The following SYNJ2 variants were observed in gnomAD, a reference collection of about 807,000 sequenced individuals.
SYNJ2 encodes the protein synaptojanin 2.
In SYNJ2, 116 loss-of-function variants were observed where a neutral mutation model predicts 141.3. The ratio of observed to expected loss-of-function variants is 0.82; its 90% confidence interval spans 0.71 to 0.96. The LOEUF (loss-of-function observed/expected upper bound fraction) is 0.96. Ranked by LOEUF, SYNJ2 falls within the 40% of genes least tolerant of loss-of-function variation. The pLI is 0.00. For missense variants in SYNJ2, 1,873 were observed against 1,934.8 expected, an observed-to-expected ratio of 0.97 and a Z score of 0.60; for synonymous variants, 745 against 777.7, an observed-to-expected ratio of 0.96 and a Z score of 0.70.
In SYNJ2 at chr6:158,093,443, A is replaced by AAC. The variant is rs1213192009; in HGVS notation, c.3744+340_3744+341insCA. Among the ~76,000 whole-genome samples, 205 of 102,708 alleles carry AAC rather than the reference A, an allele frequency of 2.0e-3. 1 individual carries two copies. Among genetic ancestry groups the AAC allele is most frequent in the African/African-American group, 8.4e-3 (197 of 23,512 alleles). 67.4% of individuals were successfully genotyped at this position (102,708 alleles called of 152,430 possible). A position where few individuals can be genotyped will look rare whatever the true frequency, so the allele number is the denominator to read the frequency against. Reference sequence around the variant, plus strand: ...AGAGTGAGACTCCACCTCAAAAAAAAAAAAAACAAAAAAAAAAAAACAGAT... The same window carrying AAC: ...AGAGTGAGACTCCACCTCAAAAAAAAACAAAAAACAAAAAAAAAAAAACAGAT... On this transcript the variant is annotated intron_variant, in intron 26 of 26. Transcript: ENST00000355585.
At chr6:158,076,899 C>T in intron 17 of SYNJ2, 117 bp downstream of exon 17, 1 of 1,283,710 alleles carries the variant, frequency 7.8e-7, no homozygotes, top group Non-Finnish European at 1.0e-6. Context: ...CTTCATAACC[C>T]CAGATGACAC....
rs1323598218 is a variant in SYNJ2, at chr6:158,084,152, G to C, written c.3186G>C (p.Lys1062Asn). The part of the protein sequence containing the change: ...PPSKSPALTK[K>N]KQHPTYKDDA... ...GCAAGTCACCTGCTCTCACCAAAAA[G>C]AAGCAGCATCCAACGTACAAAGGTA... The change falls in exon 22 of 27, where the codon AAG becomes AAC. Residue 1062 changes from lysine (K) to asparagine (N), a missense_variant. Coordinates refer to ENST00000355585, the MANE Select transcript of SYNJ2 (RefSeq NM_003898.4). This position sits in a 1 kb window ranked among gnomAD's most constrained non-coding sequence, Gnocchi z 5.0. 1 of 1,614,082 alleles carries C rather than the reference G, an allele frequency of 6.2e-7. No individual in the cohort carries two copies.
chr6:158,011,679 G>T (rs764159596), intron 1 of SYNJ2, among the ~76,000 whole-genome samples: 19 of 152,090 alleles, frequency 1.2e-4, no homozygotes, highest in Non-Finnish European at 1.8e-4. Context: ...GGTTTTGTTT[G>T]CATAGCTTCT....
At chr6:158,086,071 A>G (rs765839515) in intron 22 of SYNJ2, among the ~76,000 whole-genome samples, 7 of 151,912 alleles carry the variant, frequency 4.6e-5, no homozygotes, top group Non-Finnish European at 8.8e-5. Flanking sequence ...GGGCATTGAG[A>G]GGGTCTTCCC....
At chr6:157,981,831 A>G (rs1777021724), upstream of SYNJ2, 1 of 823,844 alleles carries the variant, frequency 1.2e-6, no homozygotes, top group Non-Finnish European at 1.6e-6. The surrounding 1 kb of genome is among the most constrained non-coding windows in gnomAD (Gnocchi z 6.4). Context: ...GCCGGGGAGG[A>G]GCCTGGCGCG....
intron 1 of SYNJ2, among the ~76,000 whole-genome samples, chr6:157,999,447 G>T (rs146111442): frequency 1.3e-5 from 2 of 152,242 alleles, no homozygotes; most frequent in African/African-American, 4.8e-5. Flanking sequence ...GGTTGTCTCT[G>T]TACAGGCTCT....
At position 158,070,227 on chromosome 6, in the gene SYNJ2, G is replaced by T. The variant is rs902572061; in HGVS notation, c.1940+554G>T. On this transcript the variant is annotated intron_variant, in intron 14 of 26. Coordinates refer to ENST00000355585, the MANE Select transcript of SYNJ2 (RefSeq NM_003898.4). This position sits in a 1 kb window ranked among gnomAD's most constrained non-coding sequence, Gnocchi z 4.0. ...TCATCTTTTCCCCAGCTTGTGGTTG[G>T]CCTCATCTTACCACCTGGGCCTACC... The T allele has an allele frequency of 1.0e-6, 1 of 985,296 alleles. No individual in the cohort carries two copies. Among genetic ancestry groups the T allele is most frequent in the Non-Finnish European group, 1.2e-6 (1 of 830,006 alleles). 61.0% of individuals were successfully genotyped at this position (985,296 alleles called of 1,614,324 possible).
In SYNJ2 at chr6:158,026,051, G is replaced by A. The variant is rs1230140018; in HGVS notation, c.215-2705G>A. Among the ~76,000 whole-genome samples, 6 of 152,090 alleles carry A rather than the reference G, an allele frequency of 3.9e-5. No homozygotes were observed. The South Asian group carries it at 8.3e-4, about 21-fold the overall frequency. ...CAAACTAATCCGATTGGAAACTGCC[G>A]GACTTTGGGGCTAGATGGAGCATGG... is the stretch of plus-strand genomic sequence containing the variant. On this transcript the variant is annotated intron_variant, in intron 2 of 26. Transcript: ENST00000355585.
At chr6:158,021,327 A>G (rs756836778) in intron 2 of SYNJ2, among the ~76,000 whole-genome samples, 7 of 152,172 alleles carry the variant, frequency 4.6e-5, no homozygotes, top group Non-Finnish European at 1.0e-4. Context: ...TAATCTCTGT[A>G]GGACTGTTTT....
intron 1 of SYNJ2, among the ~76,000 whole-genome samples, chr6:157,997,522 G>A (rs1263647293): frequency 4.6e-5 from 7 of 152,260 alleles, no homozygotes; most frequent in Admixed American, 2.0e-4. Context: ...CTGGGCTACC[G>A]GAAGCTGGGA....
rs1046190992 is a variant in SYNJ2 at position 158,097,000 on chromosome 6, A to G, written c.*636A>G. ...AATCCCGAGGGAGCCGGTGGCATAC[A>G]CCGTTAGCTTAACCTTAGCTTAAAC... On this transcript the variant is annotated 3_prime_UTR_variant, in exon 27 of 27. Transcript: ENST00000355585. 1 of 152,790 alleles carries G rather than the reference A, an allele frequency of 6.5e-6. No individual in the cohort carries two copies. Among genetic ancestry groups the G allele is most frequent in the South Asian group, 2.1e-4 (1 of 4,838 alleles). The allele number at this position is 152,790 out of a possible 1,614,324, so 9.5% of individuals were successfully genotyped here.
At chr6:157,999,941 C>CATG (rs1474791344) in intron 1 of SYNJ2, among the ~76,000 whole-genome samples, 1 of 152,082 alleles carries the variant, frequency 6.6e-6, no homozygotes, top group African/African-American at 2.4e-5. Context: ...CATGTTTGAC[C>CATG]TTTGGTTGAC....
chr6:158,035,086 C>A (rs1208264990), intron 4 of SYNJ2, among the ~76,000 whole-genome samples: 1 of 152,106 alleles, frequency 6.6e-6, no homozygotes, highest in Non-Finnish European at 1.5e-5. Flanking sequence ...TACTATAGCC[C>A]TGTAGTATAG....
chr6:158,053,488 C>G (rs1216879843), intron 5 of SYNJ2, among the ~76,000 whole-genome samples: 1 of 152,112 alleles, frequency 6.6e-6, no homozygotes, highest in African/African-American at 2.4e-5. Flanking sequence ...AGAGCCCTCT[C>G]TTGTTCCCCA....
intron 3 of SYNJ2, among the ~76,000 whole-genome samples, chr6:158,031,312 C>A (rs9347027): frequency 0.2 from 30,613 of 152,174 alleles, 3,812 homozygotes; most frequent in Non-Finnish European, 0.28. Context: ...ATTGCACCAG[C>A]ACCTTTGCAA....
At chr6:157,985,416 C>T (rs996576430) in intron 1 of SYNJ2, among the ~76,000 whole-genome samples, 1 of 152,106 alleles carries the variant, frequency 6.6e-6, no homozygotes, top group African/African-American at 2.4e-5. Context: ...ATTCCAGAGG[C>T]AGAAAAGCCA....
chr6:158,095,552 T>C (rs927186650), intron 26 of SYNJ2, 66 bp from the exon 27 acceptor site: 1 of 1,512,252 alleles, frequency 6.6e-7, no homozygotes, highest in African/African-American at 1.4e-5. Flanking sequence ...GGCCACTCTG[T>C]TCTCTGATCC....
chr6:158,087,356 C>G (rs1240192591), intron 23 of SYNJ2, among the ~76,000 whole-genome samples: 1 of 152,222 alleles, frequency 6.6e-6, no homozygotes, highest in East Asian at 1.9e-4. Flanking sequence ...CCTCCCTCTA[C>G]TTATGAGGAA....
chr6:158,027,089 C>T lies in SYNJ2; in HGVS notation c.215-1667C>T. 2.0e-6 allele frequency: 2 copies of T among 985,392 alleles called. No individual in the cohort carries two copies. The highest frequency in any genetic ancestry group is 2.4e-6 in the Non-Finnish European group (2 of 829,942). 61.0% of individuals were successfully genotyped at this position (985,392 alleles called of 1,614,324 possible). Reference sequence around the variant, plus strand: ...AGCAGGCCCCTGGGAGCCCTGAGCGCTCATTAAAGGAACGCACTTTAATGA... The same window carrying T: ...AGCAGGCCCCTGGGAGCCCTGAGCGTTCATTAAAGGAACGCACTTTAATGA... On this transcript the variant is annotated intron_variant, in intron 2 of 26. Coordinates refer to ENST00000355585, the MANE Select transcript of SYNJ2 (RefSeq NM_003898.4). This position sits in a 1 kb window ranked among gnomAD's most constrained non-coding sequence, Gnocchi z 4.6.
Sources: gnomAD v4.1 joint callset for allele counts (sites outside exome capture counted in the v4.1 genomes callset) on GRCh38, gnomAD v4.1.1 for gene constraint, Gnocchi (gnomAD v3.1) non-coding constraint, MANE v1.5 for transcripts, NCBI Gene and HGNC (gene_info 2026-07-23, HGNC 2026-07-21) for gene names.